WNK2: variants seen among roughly 807,000 people sequenced by gnomAD.
WNK2 encodes WNK lysine deficient protein kinase 2.
Under a neutral mutation model 192.1 loss-of-function variants are expected in WNK2, and 67 were observed. The observed-to-expected ratio is 0.35, with a 90% CI of 0.29 to 0.43. WNK2 has a LOEUF of 0.43. WNK2 is among the 20% of genes least tolerant of loss of function. The pLI is 1.00. For missense variants in WNK2, 2,698 were observed against 3,089.7 expected, an observed-to-expected ratio of 0.87 and a Z score of 3.01; for synonymous variants, 1,439 against 1,393.9, an observed-to-expected ratio of 1.03 and a Z score of -0.72.
chr9:93,221,205 C>T (rs376386475), intron 2 of WNK2, among the ~76,000 whole-genome samples: 394 of 152,322 alleles, frequency 2.6e-3, no homozygotes, highest in African/African-American at 8.9e-3. Flanking sequence ...TGGGGACCCC[C>T]GACCTTCCCT....
Position 93,263,438 on chromosome 9 carries a change from G to GT in WNK2, c.3411-128_3411-127insT, listed in dbSNP as rs1222245376. On this transcript the variant is annotated intron_variant, in intron 14 of 29. Transcript: ENST00000427277. ...GGCTTGGGGTATTCGCACAGGACGGGCTGCCTCTGTAGGTCACAGATTTGG... is the reference window on the plus strand; with the variant it reads ...GGCTTGGGGTATTCGCACAGGACGGGTCTGCCTCTGTAGGTCACAGATTTGG... The GT allele has an allele frequency of 4.9e-6, 6 of 1,236,346 alleles. No individual in the cohort carries two copies. The African/African-American group carries it at 7.4e-5, about 15-fold the overall frequency. 76.6% of individuals were successfully genotyped at this position (1,236,346 alleles called of 1,614,324 possible). A position where few individuals can be genotyped will look rare whatever the true frequency, so the allele number is the denominator to read the frequency against.
intron 7 of WNK2, 116 bp downstream of exon 7, chr9:93,240,092 T>C (rs1588119128): frequency 9.1e-7 from 1 of 1,102,804 alleles, no homozygotes; most frequent in East Asian, 2.6e-5. Flanking sequence ...GCAAGGCCAG[T>C]GGGTGTGGCG....
At chr9:93,197,816 C>T (rs1024574361) in intron 2 of WNK2, among the ~76,000 whole-genome samples, 2 of 152,104 alleles carry the variant, frequency 1.3e-5, no homozygotes, top group East Asian at 1.9e-4. Context: ...AGCCACTGCC[C>T]GGCCCTGTGT....
intron 19 of WNK2, among the ~76,000 whole-genome samples, chr9:93,281,801 C>T (rs6479470): frequency 0.88 from 133,351 of 152,208 alleles, 59,603 homozygotes; most frequent in East Asian, 1. Flanking sequence ...TTTGGAAGCC[C>T]CTGTCTCAGT....
intron 7 of WNK2, among the ~76,000 whole-genome samples, chr9:93,246,554 C>A (rs1158840350): frequency 6.6e-6 from 1 of 152,232 alleles, no homozygotes; most frequent in Non-Finnish European, 1.5e-5. Context: ...AAATTTCTGC[C>A]TCTCCACACC....
In WNK2 at chr9:93,262,396, C is replaced by T. The variant is rs1473133296; in HGVS notation, c.3361-274C>T. On this transcript the variant is annotated intron_variant, in intron 13 of 29. Transcript: ENST00000427277. Reference sequence around the variant, plus strand: ...CAGTGTGTCCTCTTTGAGGGATGATCAAAGTGGGTTAACATTTTTGGAAAG... The same window carrying T: ...CAGTGTGTCCTCTTTGAGGGATGATTAAAGTGGGTTAACATTTTTGGAAAG... Among the ~76,000 whole-genome samples, 76 of 152,206 alleles carry T rather than the reference C, an allele frequency of 5.0e-4. 2 individuals are homozygous for T. Among genetic ancestry groups the T allele is most frequent in the Admixed American group, 5.0e-3 (76 of 15,288 alleles).
intron 10 of WNK2, 188 bp from the exon 11 acceptor site, chr9:93,256,760 T>C: frequency 1.4e-6 from 1 of 691,774 alleles, no homozygotes; most frequent in Non-Finnish European, 2.3e-6. Flanking sequence ...TGGCTGGAGT[T>C]TGGTGATCTG....
chr9:93,292,068 G>A (rs1849446218), intron 21 of WNK2, among the ~76,000 whole-genome samples: 2 of 152,220 alleles, frequency 1.3e-5, no homozygotes, highest in African/African-American at 4.8e-5. Context: ...GGTTTATTGG[G>A]CATCTGTCAT....
At chr9:93,287,243 G>A (rs925764518) in intron 19 of WNK2, among the ~76,000 whole-genome samples, 4 of 152,170 alleles carry the variant, frequency 2.6e-5, no homozygotes, top group Non-Finnish European at 2.9e-5. Context: ...AGAGGCTGCC[G>A]ATGGTGGGGG....
intron 8 of WNK2, among the ~76,000 whole-genome samples, chr9:93,251,434 T>C (rs567648373): frequency 3.7e-4 from 57 of 152,194 alleles, no homozygotes; most frequent in African/African-American, 1.3e-3. Context: ...ACTTTAAATA[T>C]GTAAAATGTG....
At chr9:93,295,585 G>T (rs1413394350) in intron 23 of WNK2, among the ~76,000 whole-genome samples, 2 of 151,928 alleles carry the variant, frequency 1.3e-5, no homozygotes, top group African/African-American at 4.8e-5. Flanking sequence ...TGGGGTGAAG[G>T]CAAGGGGTTA....
chr9:93,292,666 A>G lies in WNK2; in HGVS notation c.5201A>G (p.Glu1734Gly). ...TTGGGGTCCCCTCGGAAACGTCCAG[A>G]GCAGCAGGATGTCAGCTCACCAGCC... is the stretch of plus-strand genomic sequence containing the variant. ...RALGSPRKRP[E>G]QQDVSSPAKT... The change falls in exon 23 of 30, where the codon GAG becomes GGG. Residue 1734 changes from glutamate (E) to glycine (G), a missense_variant. Physicochemically the swap from Glu to Gly is moderately conservative, Grantham distance 98 (BLOSUM62 -2). Around this residue, in one of 7 missense-constraint regions of WNK2, gnomAD observed 1,098 missense variants for 1,101.0 expected, o/e 1.00. Transcript: ENST00000427277. 6.3e-7 allele frequency: 1 copy of G among 1,577,626 alleles called. No individual in the cohort carries two copies.
intron 8 of WNK2, among the ~76,000 whole-genome samples, chr9:93,249,725 C>T (rs1347908020): frequency 6.6e-6 from 1 of 152,012 alleles, no homozygotes; most frequent in Non-Finnish European, 1.5e-5. Flanking sequence ...CCGCCCGCCT[C>T]AGCCTCTGAA....
chr9:93,297,744 GC>G (rs1850849254), intron 23 of WNK2, 108 bp from the exon 24 acceptor site: 1 of 1,144,096 alleles, frequency 8.7e-7, no homozygotes, highest in Non-Finnish European at 1.2e-6. Flanking sequence ...CAGGCAGGGT[GC>G]CCACCCTTCA....
Position 93,299,119 on chromosome 9 carries a change from AGCCAGTGTGGG to A in WNK2, c.5976_5986del (p.Ser1993HisfsTer35). On this transcript the variant is annotated frameshift_variant, in exon 25 of 30. Coordinates refer to ENST00000427277, the MANE Select transcript of WNK2 (RefSeq NM_006648.4). LOFTEE classifies it high-confidence loss of function. ...GCCCTCCCGCTAAGGACCCTGCCCA[AGCCAGTGTGGG>A]GCTCACTGCAGACAGCACGGGCCTG... 6.2e-7 allele frequency: 1 copy of A among 1,611,926 alleles called. No homozygotes were observed. The highest frequency in any genetic ancestry group is 1.7e-5 in the Admixed American group (1 of 59,984).
chr9:93,277,288 C>T (rs1411771672), intron 19 of WNK2, among the ~76,000 whole-genome samples: 1 of 152,148 alleles, frequency 6.6e-6, no homozygotes, highest in African/African-American at 2.4e-5. Context: ...ATGGTATAGC[C>T]ATTCTGGAAG....
At chr9:93,186,553 T>A (rs1191804711) in intron 2 of WNK2, among the ~76,000 whole-genome samples, 1 of 152,198 alleles carries the variant, frequency 6.6e-6, no homozygotes, top group East Asian at 1.9e-4. Context: ...TCTGTTGGCC[T>A]GTAAAGTTAG....
chr9:93,312,949 C>T (rs961793563), intron 28 of WNK2, among the ~76,000 whole-genome samples: 1 of 152,224 alleles, frequency 6.6e-6, no homozygotes, highest in Non-Finnish European at 1.5e-5. Context: ...CTCCAGCTTG[C>T]TGATTCTTTA....
chr9:93,264,688 C>T (rs968826981), intron 16 of WNK2, among the ~76,000 whole-genome samples: 11 of 152,218 alleles, frequency 7.2e-5, no homozygotes, highest in African/African-American at 2.7e-4. Flanking sequence ...CTGGTGCATC[C>T]GTGACTGCCT....
Sources: gnomAD v4.1 joint callset for allele counts (sites outside exome capture counted in the v4.1 genomes callset) on GRCh38, gnomAD v4.1.1 for gene constraint, gnomAD v4.1.1 regional missense constraint, MANE v1.5 for transcripts, NCBI Gene and HGNC (gene_info 2026-07-23, HGNC 2026-07-21) for gene names.